SCFD2: variants seen among roughly 807,000 people sequenced by gnomAD.
The protein encoded by SCFD2 is sec1 family domain containing 2, also known as sec1 family domain-containing protein 2.
SCFD2 carries 54 observed loss-of-function variants against 58.9 expected under a neutral mutation model. The ratio of observed to expected loss-of-function variants is 0.92; its 90% CI spans 0.74 to 1.15. The LOEUF (loss-of-function observed/expected upper bound fraction) is 1.15, where lower values mean the gene tolerates loss of function less well. Ranked by LOEUF, SCFD2 falls within the 50% of genes most tolerant of loss-of-function variation. The pLI, the probability that SCFD2 is intolerant of heterozygous loss-of-function variation, is 0.00. For synonymous variants in SCFD2, 321 were observed against 335.9 expected, an observed-to-expected ratio of 0.96 and a Z score of 0.49; for missense variants, 805 against 836.6, an observed-to-expected ratio of 0.96 and a Z score of 0.47.
intron 5 of SCFD2, among the ~76,000 whole-genome samples, chr4:52,963,534 T>C (rs1263339699): frequency 6.6e-6 from 1 of 152,246 alleles, no homozygotes; most frequent in Non-Finnish European, 1.5e-5. Flanking sequence ...TTTTTAAATC[T>C]AACCACCCTG....
At chr4:52,947,605 G>A (rs1720465760) in intron 5 of SCFD2, among the ~76,000 whole-genome samples, 1 of 152,014 alleles carries the variant, frequency 6.6e-6, no homozygotes, top group Non-Finnish European at 1.5e-5. Flanking sequence ...ACAAAGCAGA[G>A]GGCCCACAAA....
intron 5 of SCFD2, among the ~76,000 whole-genome samples, chr4:53,079,222 C>A (rs1169764684): frequency 6.6e-6 from 1 of 152,100 alleles, no homozygotes; most frequent in Admixed American, 6.6e-5. Flanking sequence ...AGCCCAAGAA[C>A]CAGGAGCACT....
intron 4 of SCFD2, among the ~76,000 whole-genome samples, chr4:53,180,991 C>A (rs1727532754): frequency 6.6e-6 from 1 of 152,134 alleles, no homozygotes; most frequent in Non-Finnish European, 1.5e-5. Flanking sequence ...ATAACAGGCT[C>A]TGAAATTGAG....
At chr4:52,970,487 C>T (rs370034083) in intron 5 of SCFD2, among the ~76,000 whole-genome samples, 4 of 152,184 alleles carry the variant, frequency 2.6e-5, no homozygotes, top group African/African-American at 9.7e-5. Context: ...CCCACCATTG[C>T]TGAGGCTTGA....
chr4:52,924,429 GA>G (rs1169666050), intron 5 of SCFD2, among the ~76,000 whole-genome samples: 1 of 152,114 alleles, frequency 6.6e-6, no homozygotes, highest in Admixed American at 6.6e-5. Context: ...GACTGTTAAA[GA>G]AACTGCTGGA....
At chr4:52,968,708 G>A (rs1197641916) in intron 5 of SCFD2, among the ~76,000 whole-genome samples, 1 of 152,152 alleles carries the variant, frequency 6.6e-6, no homozygotes, top group African/African-American at 2.4e-5. Context: ...GGGGGATGCT[G>A]TTGGTGTGGG....
intron 4 of SCFD2, among the ~76,000 whole-genome samples, chr4:53,174,761 G>A (rs370255812): frequency 9.2e-5 from 14 of 152,220 alleles, no homozygotes; most frequent in South Asian, 2.1e-4. Context: ...GTAAATTCAC[G>A]ACAAAGTGGG....
In SCFD2 at chr4:53,074,904, G is replaced by A. The variant is rs138895096; in HGVS notation, c.1561+70429C>T. Reference sequence around the variant, plus strand: ...AATGGTAAACGAGCATTTGCTTCGAGTGAAAGTCACAAGCTGCATTAGCCC... The same window carrying A: ...AATGGTAAACGAGCATTTGCTTCGAATGAAAGTCACAAGCTGCATTAGCCC... On this transcript the variant is annotated intron_variant, in intron 5 of 8. Transcript: ENST00000401642. Among the ~76,000 whole-genome samples, 19 of 152,298 alleles carry A rather than the reference G, an allele frequency of 1.2e-4. 2 individuals carry two copies. Among genetic ancestry groups the A allele is most frequent in the African/African-American group, 4.6e-4 (19 of 41,570 alleles).
intron 5 of SCFD2, among the ~76,000 whole-genome samples, chr4:53,002,308 T>C (rs1721880674): frequency 6.6e-6 from 1 of 152,052 alleles, no homozygotes; most frequent in African/African-American, 2.4e-5. Flanking sequence ...GAGCAAGAGG[T>C]GAGGATATGT....
chr4:53,345,788 T>C (rs1330570274), intron 2 of SCFD2, among the ~76,000 whole-genome samples: 6 of 152,200 alleles, frequency 3.9e-5, no homozygotes, highest in African/African-American at 1.4e-4. Flanking sequence ...TGAGTTCATG[T>C]CCTTTTCAGG....
intron 5 of SCFD2, among the ~76,000 whole-genome samples, chr4:52,995,583 G>C (rs1379840750): frequency 6.6e-6 from 1 of 152,216 alleles, no homozygotes; most frequent in East Asian, 1.9e-4. Flanking sequence ...GAGAAATAAA[G>C]ATTATGGATA....
At chr4:53,209,443 T>C (rs17082504) in intron 4 of SCFD2, among the ~76,000 whole-genome samples, 19,967 of 152,150 alleles carry the variant, frequency 0.13, 1,499 homozygotes, top group East Asian at 0.24. Flanking sequence ...TCAGCACTAA[T>C]GATCAGTTCC....
intron 3 of SCFD2, among the ~76,000 whole-genome samples, chr4:53,289,884 A>C (rs1466444859): frequency 6.6e-6 from 1 of 152,230 alleles, no homozygotes; most frequent in Non-Finnish European, 1.5e-5. Context: ...TACAAGAGAC[A>C]AAGGTTAATA....
At chr4:53,147,763 T>C (rs1560357432) in intron 4 of SCFD2, among the ~76,000 whole-genome samples, 1 of 152,214 alleles carries the variant, frequency 6.6e-6, no homozygotes, top group East Asian at 1.9e-4. Flanking sequence ...ATACTACCAC[T>C]AATGACAGAT....
At chr4:53,230,174 G>A (rs950443588) in intron 4 of SCFD2, among the ~76,000 whole-genome samples, 21 of 152,270 alleles carry the variant, frequency 1.4e-4, no homozygotes, top group African/African-American at 4.3e-4. Context: ...ACTGTTGGTG[G>A]GATTGTAAAC....
At chr4:52,901,775 AT>A (rs1287130464) in intron 7 of SCFD2, among the ~76,000 whole-genome samples, 1 of 152,248 alleles carries the variant, frequency 6.6e-6, no homozygotes, top group African/African-American at 2.4e-5. Flanking sequence ...ACAGGAATGC[AT>A]GCTAAATGCT....
chr4:53,181,309 G>T (rs1228620998), intron 4 of SCFD2, among the ~76,000 whole-genome samples: 1 of 152,150 alleles, frequency 6.6e-6, no homozygotes, highest in Non-Finnish European at 1.5e-5. Flanking sequence ...TATCCACCAT[G>T]ATCAAGTGGG....
intron 2 of SCFD2, among the ~76,000 whole-genome samples, chr4:53,341,620 C>A (rs569585411): frequency 2.1e-3 from 320 of 152,126 alleles, no homozygotes; most frequent in African/African-American, 7.3e-3. Context: ...CACAAAGACA[C>A]TCTTCGAGAA....
intron 4 of SCFD2, among the ~76,000 whole-genome samples, chr4:53,201,950 A>G (rs1270024424): frequency 2.6e-5 from 4 of 152,128 alleles, no homozygotes; most frequent in Admixed American, 6.6e-5. Context: ...AGTAGGTTGC[A>G]AAAATTTTCT....
Sources: gnomAD v4.1 joint callset for allele counts (sites outside exome capture counted in the v4.1 genomes callset) on GRCh38, gnomAD v4.1.1 for gene constraint, MANE v1.5 for transcripts, NCBI Gene and HGNC (gene_info 2026-07-23, HGNC 2026-07-21) for gene names.